CLSTN2: variants seen among roughly 807,000 people sequenced by gnomAD.
CLSTN2 encodes the protein calsyntenin-2.
In CLSTN2, 48 loss-of-function variants were observed where a neutral mutation model predicts 101.2. The observed-to-expected ratio is 0.47, with a 90% CI of 0.38 to 0.60. CLSTN2 has a LOEUF of 0.60. Among genes scored for constraint, CLSTN2 ranks in the 20% least tolerant of loss-of-function variants. The probability of loss-of-function intolerance (pLI) is 0.00; values close to 1 mark genes in which losing one functional copy is unlikely to be tolerated. For synonymous variants in CLSTN2, 481 were observed against 463.6 expected (o/e 1.04, Z -0.48); for missense variants, 1,160 against 1,238.2 (o/e 0.94, Z 0.95).
intron 2 of CLSTN2, among the ~76,000 whole-genome samples, chr3:140,324,565 G>T (rs2087313918): frequency 1.3e-5 from 2 of 152,150 alleles, no homozygotes. Flanking sequence ...CTGATGAATT[G>T]GTTTTCCTTT....
At chr3:140,044,714 A>C (rs1417814983) in intron 1 of CLSTN2, among the ~76,000 whole-genome samples, 2 of 152,160 alleles carry the variant, frequency 1.3e-5, no homozygotes, top group Non-Finnish European at 2.9e-5. Context: ...ATCAATACCT[A>C]ACTTATTGAG....
intron 6 of CLSTN2, among the ~76,000 whole-genome samples, chr3:140,455,444 C>T (rs1332575946): frequency 6.6e-6 from 1 of 152,180 alleles, no homozygotes; most frequent in Non-Finnish European, 1.5e-5. Flanking sequence ...GCTTTTGTAT[C>T]ACAGTGTGCC....
At chr3:140,074,561 A>G (rs1483773897) in intron 1 of CLSTN2, among the ~76,000 whole-genome samples, 6 of 152,226 alleles carry the variant, frequency 3.9e-5, no homozygotes, top group Non-Finnish European at 7.3e-5. Context: ...ACAGAGGTGT[A>G]AAAATAATAA....
intron 1 of CLSTN2, among the ~76,000 whole-genome samples, chr3:139,979,800 A>G (rs1466034589): frequency 1.3e-5 from 2 of 151,946 alleles, no homozygotes; most frequent in African/African-American, 4.8e-5. Flanking sequence ...TATCATCATC[A>G]TTAGCCAGGA....
intron 11 of CLSTN2, among the ~76,000 whole-genome samples, chr3:140,557,477 G>A (rs1935822967): frequency 6.6e-6 from 1 of 152,220 alleles, no homozygotes; most frequent in African/African-American, 2.4e-5. Flanking sequence ...CCAGGTCGTT[G>A]CCACATTAGA....
intron 2 of CLSTN2, among the ~76,000 whole-genome samples, chr3:140,317,582 T>C (rs1177192204): frequency 6.6e-6 from 1 of 152,196 alleles, no homozygotes; most frequent in Non-Finnish European, 1.5e-5. Context: ...AGACTTTGTT[T>C]CTCACCTGCA....
chr3:140,207,405 C>T (rs905553286), intron 2 of CLSTN2, among the ~76,000 whole-genome samples: 2 of 152,210 alleles, frequency 1.3e-5, no homozygotes, highest in African/African-American at 4.8e-5. Context: ...TAATTTCAGA[C>T]ATCAGAGAAA....
At chr3:140,437,504 C>T (rs186844655) in intron 5 of CLSTN2, among the ~76,000 whole-genome samples, 5 of 152,328 alleles carry the variant, frequency 3.3e-5, no homozygotes, top group Admixed American at 1.3e-4. Flanking sequence ...TTTTGCTCCT[C>T]AGGCTCTCAG....
At chr3:140,111,903 G>A (rs1440981189) in intron 1 of CLSTN2, among the ~76,000 whole-genome samples, 1 of 152,138 alleles carries the variant, frequency 6.6e-6, no homozygotes, top group Non-Finnish European at 1.5e-5. Flanking sequence ...TGATGAAACT[G>A]AGGTTTACAA....
chr3:140,334,924 G>T (rs1006877), intron 2 of CLSTN2, among the ~76,000 whole-genome samples: 7 of 152,048 alleles, frequency 4.6e-5, no homozygotes, highest in African/African-American at 1.7e-4. Flanking sequence ...TGCGGTCATC[G>T]TTACCATTTG....
Position 140,563,148 on chromosome 3 carries a change from C to T in CLSTN2, c.2427C>T (p.Pro809=). The T allele has an allele frequency of 1.2e-6, 2 of 1,614,110 alleles. No homozygotes were observed. The highest frequency in any genetic ancestry group is 1.1e-5 in the South Asian group (1 of 91,078). The part of the protein sequence containing the change: ...EHVNHLIVQP[P]FLQSVHHPES... ...TCAATCATCTGATTGTGCAGCCTCC[C>T]TTCCTCCAGTCTGTCCATCATCCTG... is the stretch of plus-strand genomic sequence containing the variant. Residue 809 remains proline, a synonymous_variant, in exon 15 of 17, where the codon CCC becomes CCT. Transcript: ENST00000458420.
chr3:140,083,542 T>C (rs1211906511), intron 1 of CLSTN2, among the ~76,000 whole-genome samples: 2 of 152,254 alleles, frequency 1.3e-5, no homozygotes, highest in Non-Finnish European at 2.9e-5. Flanking sequence ...AGATTTACCA[T>C]ATGTCTGTCT....
intron 1 of CLSTN2, among the ~76,000 whole-genome samples, chr3:140,172,538 A>G (rs2010255951): frequency 6.6e-6 from 1 of 152,204 alleles, no homozygotes; most frequent in Admixed American, 6.5e-5. Context: ...TGATATAAGT[A>G]TACTGTATTG....
intron 1 of CLSTN2, among the ~76,000 whole-genome samples, chr3:140,148,168 G>A (rs2009810472): frequency 6.6e-6 from 1 of 152,192 alleles, no homozygotes; most frequent in African/African-American, 2.4e-5. Context: ...AGGACCTCAA[G>A]GCTGCCTGGA....
At chr3:140,285,799 T>C (rs1039442583) in intron 2 of CLSTN2, among the ~76,000 whole-genome samples, 1 of 152,072 alleles carries the variant, frequency 6.6e-6, no homozygotes, top group Admixed American at 6.5e-5. Context: ...GAATAATGAA[T>C]CACCCTGATT....
chr3:140,075,808 G>A (rs979684563), intron 1 of CLSTN2, among the ~76,000 whole-genome samples: 1 of 151,944 alleles, frequency 6.6e-6, no homozygotes, highest in African/African-American at 2.4e-5. Context: ...TGAACAAGTT[G>A]GTGTTCGTGT....
At position 140,219,852 on chromosome 3, in the gene CLSTN2, C is replaced by T. The variant is rs1479251833; in HGVS notation, c.232+43779C>T. ...GGGGCACAGCATCATCGCTATCATA[C>T]CTACCTCTTACTCAGTAAGAGAGGC... On this transcript the variant is annotated intron_variant, in intron 2 of 16. Transcript: ENST00000458420. Among the ~76,000 whole-genome samples, 5 of 152,222 alleles carry T rather than the reference C, an allele frequency of 3.3e-5. No homozygotes were observed. The East Asian group carries it at 9.6e-4, about 29-fold the overall frequency.
chr3:140,247,214 CTG>C (rs2086525875), intron 2 of CLSTN2, among the ~76,000 whole-genome samples: 1 of 152,182 alleles, frequency 6.6e-6, no homozygotes, highest in Non-Finnish European at 1.5e-5. Context: ...GTTTCTAACT[CTG>C]TGTCTCTTTG....
At chr3:140,509,536 T>A (rs1412590875) in intron 8 of CLSTN2, among the ~76,000 whole-genome samples, 2 of 151,754 alleles carry the variant, frequency 1.3e-5, no homozygotes, top group Non-Finnish European at 2.9e-5. Context: ...TTCCAAAGCA[T>A]TTTTTACTCT....
Sources: allele counts gnomAD v4.1 joint callset (sites outside exome capture counted in the v4.1 genomes callset), GRCh38; gene constraint gnomAD v4.1.1; transcripts MANE v1.5; gene names NCBI Gene and HGNC (gene_info 2026-07-23, HGNC 2026-07-21).